BRINP3: variants seen among roughly 807,000 people sequenced by gnomAD.
BRINP3 encodes the protein BMP/retinoic acid-inducible neural-specific protein 3.
BRINP3 carries 19 observed loss-of-function variants against 71.0 expected under a neutral mutation model. The ratio of observed to expected loss-of-function variants is 0.27; its 90% CI spans 0.19 to 0.39. The LOEUF (loss-of-function observed/expected upper bound fraction) is 0.39, where lower values mean the gene tolerates loss of function less well. Ranked by LOEUF, BRINP3 falls within the 10% of genes least tolerant of loss-of-function variation. The probability of loss-of-function intolerance (pLI) is 1.00; values close to 1 mark genes in which losing one functional copy is unlikely to be tolerated. For synonymous variants in BRINP3, 380 were observed against 337.7 expected (o/e 1.13, Z -1.37); for missense variants, 959 against 940.8 (o/e 1.02, Z -0.25).
intron 2 of BRINP3, among the ~76,000 whole-genome samples, chr1:190,394,837 G>A (rs1416089808): frequency 6.6e-6 from 1 of 151,310 alleles, no homozygotes; most frequent in Non-Finnish European, 1.5e-5. Flanking sequence ...ATTAACTCTG[G>A]GGAGTACACA....
rs148376304 is a variant in BRINP3, at chr1:190,263,653, G to C, written c.618+1212C>G. Reference sequence around the variant, plus strand: ...CGCCCAGACTGGAGTGCAGTGGTGTGATCTCCGCTCACTGCAAGTTCTGCC... The same window carrying C: ...CGCCCAGACTGGAGTGCAGTGGTGTCATCTCCGCTCACTGCAAGTTCTGCC... On this transcript the variant is annotated intron_variant, in intron 4 of 7. Transcript: ENST00000367462. 2.0e-3 allele frequency among the ~76,000 whole-genome samples: 282 copies of C among 144,050 alleles called. 1 individual carries two copies. Among genetic ancestry groups the C allele is most frequent in the African/African-American group, 6.3e-3 (248 of 39,156 alleles). The allele number at this position is 144,050 out of a possible 152,430, so 94.5% of individuals were successfully genotyped here.
intron 6 of BRINP3, among the ~76,000 whole-genome samples, chr1:190,175,028 A>G (rs1321177394): frequency 6.6e-6 from 1 of 152,160 alleles, no homozygotes; most frequent in Admixed American, 6.6e-5. Context: ...CATAAAAGAT[A>G]TAAATGATAC....
intron 6 of BRINP3, among the ~76,000 whole-genome samples, chr1:190,176,531 A>C (rs1162754105): frequency 6.6e-6 from 1 of 152,130 alleles, no homozygotes; most frequent in Non-Finnish European, 1.5e-5. Context: ...GATTTAACCA[A>C]AATTTGTAAT....
intron 6 of BRINP3, among the ~76,000 whole-genome samples, chr1:190,191,422 C>T (rs555104887): frequency 2.0e-5 from 3 of 152,136 alleles, no homozygotes; most frequent in African/African-American, 7.2e-5. Context: ...CACCCCTCAA[C>T]AGGCCCCAGT....
At chr1:190,329,317 A>T (rs142687957) in intron 2 of BRINP3, among the ~76,000 whole-genome samples, 166 of 152,150 alleles carry the variant, frequency 1.1e-3, no homozygotes, top group African/African-American at 3.6e-3. Flanking sequence ...GAATGGATAA[A>T]TAACTTCAGT....
chr1:190,403,559 G>T (rs1672073415), intron 2 of BRINP3, among the ~76,000 whole-genome samples: 1 of 152,192 alleles, frequency 6.6e-6, no homozygotes, highest in African/African-American at 2.4e-5. Context: ...TCACTACGTA[G>T]CACAGAACAG....
Position 190,408,203 on chromosome 1 carries a change from A to AT in BRINP3, c.236+46451dup, listed in dbSNP as rs55768635. Among the ~76,000 whole-genome samples the AT allele has an allele frequency of 4.7e-3, 666 of 141,396 alleles. 12 individuals carry two copies. Among genetic ancestry groups the AT allele is most frequent in the African/African-American group, 0.017 (623 of 36,012 alleles). The allele number at this position is 141,396 out of a possible 152,430, so 92.8% of individuals were successfully genotyped here. ...CGCCTGGCTAATTATTTATTTATTT[A>AT]TTTTTTTTTTTTTTGTATTTTTAGT... On this transcript the variant is annotated intron_variant, in intron 2 of 7. Transcript: ENST00000367462.
intron 7 of BRINP3, among the ~76,000 whole-genome samples, chr1:190,113,141 A>T (rs1199636928): frequency 1.3e-5 from 2 of 152,144 alleles, no homozygotes; most frequent in East Asian, 1.9e-4. Flanking sequence ...ATATTTTAAG[A>T]TAATAAAAAA....
In BRINP3 at chr1:190,477,509, A is replaced by G. The variant is rs984754998; in HGVS notation, c.-112T>C. 1.3e-5 allele frequency: 2 copies of G among 152,258 alleles called. No homozygotes were observed. Among genetic ancestry groups the G allele is most frequent in the Admixed American group, 6.5e-5 (1 of 15,286 alleles). The allele number at this position is 152,258 out of a possible 1,614,324, so 9.4% of individuals were successfully genotyped here. ...AAATACATCCAGGATTCAAATAGAT[A>G]TTCCATGATCTTCCAAATCAAGGTA... On this transcript the variant is annotated 5_prime_UTR_variant, in exon 1 of 8. Coordinates refer to ENST00000367462, the MANE Select transcript of BRINP3 (RefSeq NM_199051.3).
chr1:190,132,878 A>G (rs1654657709), intron 7 of BRINP3, among the ~76,000 whole-genome samples: 1 of 152,098 alleles, frequency 6.6e-6, no homozygotes, highest in Non-Finnish European at 1.5e-5. Context: ...TGGATCACTA[A>G]CTTTGAAGGA....
chr1:190,155,441 A>C (rs1656781014), intron 7 of BRINP3, among the ~76,000 whole-genome samples: 1 of 152,122 alleles, frequency 6.6e-6, no homozygotes, highest in Admixed American at 6.6e-5. Context: ...AATATTGTTC[A>C]TCAAAGCTTT....
chr1:190,118,458 A>G (rs548236900), intron 7 of BRINP3, among the ~76,000 whole-genome samples: 25 of 152,306 alleles, frequency 1.6e-4, no homozygotes, highest in East Asian at 9.6e-4. Flanking sequence ...TCAAGTGCCT[A>G]CTATGTTCCA....
chr1:190,445,315 T>A (rs1009119968), intron 2 of BRINP3, among the ~76,000 whole-genome samples: 4 of 152,160 alleles, frequency 2.6e-5, no homozygotes, highest in Non-Finnish European at 4.4e-5. Flanking sequence ...AATCTTTTAC[T>A]TTCATTCACA....
At chr1:190,118,749 T>C (rs1396611486) in intron 7 of BRINP3, among the ~76,000 whole-genome samples, 1 of 152,202 alleles carries the variant, frequency 6.6e-6, no homozygotes, top group African/African-American at 2.4e-5. Flanking sequence ...TTCAGGCAAT[T>C]AAAACATCAA....
chr1:190,353,477 A>C (rs1255201338), intron 2 of BRINP3, among the ~76,000 whole-genome samples: 2 of 152,064 alleles, frequency 1.3e-5, no homozygotes, highest in Non-Finnish European at 2.9e-5. Flanking sequence ...GACTATCACT[A>C]GTATAGAGAA....
chr1:190,381,786 G>T lies in BRINP3; in HGVS notation c.236+72869C>A, dbSNP rs566660122. 2.6e-5 allele frequency among the ~76,000 whole-genome samples: 4 copies of T among 152,180 alleles called. No homozygotes were observed. The East Asian group carries it at 7.7e-4, about 29-fold the overall frequency. Reference sequence around the variant, plus strand: ...ATTTAACACACACGGATGACTTGTAGGTCCTAGGCATATGGATCAGTACTT... The same window carrying T: ...ATTTAACACACACGGATGACTTGTATGTCCTAGGCATATGGATCAGTACTT... On this transcript the variant is annotated intron_variant, in intron 2 of 7. Transcript: ENST00000367462.
At chr1:190,195,573 T>C (rs1339732029) in intron 6 of BRINP3, among the ~76,000 whole-genome samples, 2 of 152,058 alleles carry the variant, frequency 1.3e-5, no homozygotes, top group Non-Finnish European at 2.9e-5. Flanking sequence ...TTCCTTCAAA[T>C]TTTCCTATGT....
In BRINP3 at chr1:190,328,784, A is replaced by G. The variant is rs112547347; in HGVS notation, c.237-47034T>C. 6.6e-3 allele frequency among the ~76,000 whole-genome samples: 1,009 copies of G among 152,136 alleles called. 6 individuals are homozygous for G. Among genetic ancestry groups the G allele is most frequent in the Admixed American group, 0.012 (176 of 15,248 alleles). The stretch of plus-strand genomic sequence containing the variant: ...AACATAGACACAAAAATCCTCAACA[A>G]AATATTAGCAAATTGAATCCAACGA... On this transcript the variant is annotated intron_variant, in intron 2 of 7. Transcript: ENST00000367462.
intron 2 of BRINP3, among the ~76,000 whole-genome samples, chr1:190,283,997 ATAAT>A (rs930253773): frequency 2.0e-5 from 3 of 151,986 alleles, no homozygotes; most frequent in Non-Finnish European, 4.4e-5. Context: ...TCTAAGTGAA[ATAAT>A]TAGACTAAAA....
Sources: gnomAD v4.1 joint callset for allele counts (sites outside exome capture counted in the v4.1 genomes callset) on GRCh38, gnomAD v4.1.1 for gene constraint, MANE v1.5 for transcripts, NCBI Gene and HGNC (gene_info 2026-07-23, HGNC 2026-07-21) for gene names.